COPG2: variants seen among roughly 807,000 people sequenced by gnomAD.
The protein encoded by COPG2 is coatomer subunit gamma-2.
In COPG2, 37 loss-of-function variants were observed where a neutral mutation model predicts 46.3. The observed-to-expected ratio is 0.80, with a 90% CI of 0.61 to 1.05. COPG2 has a LOEUF of 1.05. Among genes scored for constraint, COPG2 ranks in the 50% least tolerant of loss-of-function variants. The pLI, the probability that COPG2 is intolerant of heterozygous loss-of-function variation, is 0.00. For missense variants in COPG2, 427 were observed against 387.8 expected (o/e 1.10, Z -0.85); for synonymous variants, 159 against 129.7 (o/e 1.23, Z -1.53).
At chr7:130,578,689 T>C (rs1794066182) in intron 9 of COPG2, among the ~76,000 whole-genome samples, 1 of 151,774 alleles carries the variant, frequency 6.6e-6, no homozygotes, top group African/African-American at 2.4e-5. Context: ...GCCCGAGAAC[T>C]ATATGAAGAA....
At chr7:130,560,257 G>A (rs1189002295) in intron 12 of COPG2, among the ~76,000 whole-genome samples, 4 of 151,950 alleles carry the variant, frequency 2.6e-5, no homozygotes, top group African/African-American at 4.8e-5. Flanking sequence ...AATATCAAAA[G>A]CATAAAATAT....
chr7:130,605,908 AT>A, intron 9 of COPG2: 2 of 388,814 alleles, frequency 5.1e-6, no homozygotes, highest in South Asian at 4.0e-5. Context: ...AAACTAACAG[AT>A]TTTGGTACCT....
At chr7:130,530,029 A>G (rs36178008) in intron 20 of COPG2, among the ~76,000 whole-genome samples, 53,929 of 151,652 alleles carry the variant, frequency 0.36, 11,153 homozygotes, top group African/African-American at 0.57. Context: ...GTATGCCCAG[A>G]GTTTGGAGAG....
chr7:130,625,203 G>A (rs1554454104), intron 5 of COPG2, among the ~76,000 whole-genome samples: 1 of 152,104 alleles, frequency 6.6e-6, no homozygotes, highest in Non-Finnish European at 1.5e-5. Flanking sequence ...TTGGCTGTCT[G>A]TATATCTTCT....
intron 3 of COPG2, among the ~76,000 whole-genome samples, chr7:130,663,402 G>A (rs1427989938): frequency 6.6e-6 from 1 of 152,178 alleles, no homozygotes; most frequent in Non-Finnish European, 1.5e-5. Flanking sequence ...CCTAAGAGCA[G>A]AGATCATATC....
chr7:130,639,857 AAG>A (rs1398619719), intron 5 of COPG2, among the ~76,000 whole-genome samples: 3 of 152,110 alleles, frequency 2.0e-5, no homozygotes, highest in Non-Finnish European at 4.4e-5. Context: ...GGGTTCTCTC[AAG>A]AGTTTCAGCT....
Position 130,513,311 on chromosome 7 carries a change from ATATATATATATATAT to A in COPG2, c.2150-4667_2150-4653del, listed in dbSNP as rs1799634294. Among the ~76,000 whole-genome samples, 4 of 42,198 alleles carry A rather than the reference ATATATATATATATAT, an allele frequency of 9.5e-5. 1 individual carries two copies. The highest frequency in any genetic ancestry group is 9.1e-4 in the Admixed American group (3 of 3,282). The allele number at this position is 42,198 out of a possible 152,430, so 27.7% of individuals were successfully genotyped here. A position where few individuals can be genotyped will look rare whatever the true frequency, so the allele number is the denominator to read the frequency against. ...TGTCTAAAAAAAAAAAAAAAAAAAT[ATATATATATATATAT>A]ATATATATATATATATGTGTGTGTG... On this transcript the variant is annotated intron_variant, in intron 20 of 23. Coordinates refer to ENST00000425248, the MANE Select transcript of COPG2 (RefSeq NM_012133.6).
rs928327083 is a variant in COPG2 at position 130,520,285 on chromosome 7, G to A, written c.2150-11626C>T. 1.2e-3 allele frequency among the ~76,000 whole-genome samples: 189 copies of A among 152,082 alleles called. 1 individual carries two copies. Among genetic ancestry groups the A allele is most frequent in the Non-Finnish European group, 1.1e-3 (73 of 68,008 alleles). On this transcript the variant is annotated intron_variant, in intron 20 of 23. Transcript: ENST00000425248. ...GAAGTTAAGAAATAATGTTAGGATTGGCTGAAAGTTAAGCAACTGAGAAGA... is the reference window on the plus strand; with the variant it reads ...GAAGTTAAGAAATAATGTTAGGATTAGCTGAAAGTTAAGCAACTGAGAAGA...
At chr7:130,616,634 G>A (rs989177217) in intron 6 of COPG2, among the ~76,000 whole-genome samples, 1 of 152,126 alleles carries the variant, frequency 6.6e-6, no homozygotes, top group Non-Finnish European at 1.5e-5. Flanking sequence ...TCTTAAAGCT[G>A]CCCAATTTCT....
At chr7:130,587,863 A>C (rs1794305992) in intron 9 of COPG2, among the ~76,000 whole-genome samples, 2 of 152,224 alleles carry the variant, frequency 1.3e-5, no homozygotes, top group Admixed American at 6.5e-5. Flanking sequence ...GGCAACCTAC[A>C]GAATGGGAGA....
chr7:130,547,265 A>G (rs966652214), intron 20 of COPG2: 1 of 157,636 alleles, frequency 6.3e-6, no homozygotes, highest in Non-Finnish European at 1.4e-5. Flanking sequence ...AAATGCCAAC[A>G]ATCTACTACA....
intron 5 of COPG2, among the ~76,000 whole-genome samples, chr7:130,618,310 G>A (rs782209132): frequency 1.3e-5 from 2 of 152,006 alleles, no homozygotes; most frequent in Non-Finnish European, 2.9e-5. Flanking sequence ...AAGTGCCAAG[G>A]ACTATGAATT....
intron 9 of COPG2, among the ~76,000 whole-genome samples, chr7:130,578,014 C>A (rs1794046327): frequency 6.6e-6 from 1 of 152,258 alleles, no homozygotes; most frequent in African/African-American, 2.4e-5. Flanking sequence ...AGGAGGCCTG[C>A]CTGCCTCTGT....
intron 9 of COPG2, among the ~76,000 whole-genome samples, chr7:130,601,317 A>G (rs1010759082): frequency 1.3e-5 from 2 of 152,240 alleles, no homozygotes; most frequent in Admixed American, 1.3e-4. Context: ...TACTGGGTAT[A>G]TACCCAAAGG....
chr7:130,573,095 T>G (rs1201970122), intron 9 of COPG2, among the ~76,000 whole-genome samples: 1 of 151,740 alleles, frequency 6.6e-6, no homozygotes, highest in Non-Finnish European at 1.5e-5. Flanking sequence ...TGACAACAAA[T>G]TAGATAACTT....
chr7:130,512,429 T>C (rs1554441149), intron 20 of COPG2, among the ~76,000 whole-genome samples: 1 of 151,708 alleles, frequency 6.6e-6, no homozygotes, highest in African/African-American at 2.4e-5. Context: ...TTATTGCTAC[T>C]AGATGGGGAA....
intron 20 of COPG2, among the ~76,000 whole-genome samples, chr7:130,519,007 A>C (rs1799702808): frequency 6.4e-5 from 3 of 46,624 alleles, no homozygotes; most frequent in African/African-American, 4.2e-5. Context: ...CTCTGTCTCA[A>C]AAAAAAAAAA....
chr7:130,655,773 G>A (rs1276221825), intron 4 of COPG2, among the ~76,000 whole-genome samples: 2 of 152,144 alleles, frequency 1.3e-5, no homozygotes, highest in Admixed American at 6.5e-5. Flanking sequence ...GTCCTGGGAT[G>A]CCTATTATCC....
chr7:130,602,433 A>G (rs887683927), intron 9 of COPG2, among the ~76,000 whole-genome samples: 1 of 152,074 alleles, frequency 6.6e-6, no homozygotes, highest in Non-Finnish European at 1.5e-5. Context: ...ATGACAACAC[A>G]CATACACAGC....
Sources: allele counts gnomAD v4.1 joint callset (sites outside exome capture counted in the v4.1 genomes callset), GRCh38; gene constraint gnomAD v4.1.1; transcripts MANE v1.5; gene names NCBI Gene and HGNC (gene_info 2026-07-23, HGNC 2026-07-21).